NUFIP1: variants seen among roughly 807,000 people sequenced by gnomAD.
NUFIP1 encodes the protein FMR1-interacting protein NUFIP1.
In NUFIP1, 38 loss-of-function variants were observed where a neutral mutation model predicts 56.2. The observed-to-expected ratio is 0.68, with a 90% CI of 0.52 to 0.89. The LOEUF (loss-of-function observed/expected upper bound fraction) is 0.89. Among genes scored for constraint, NUFIP1 ranks in the 40% least tolerant of loss-of-function variants. The pLI is 0.00. For missense variants in NUFIP1, 567 were observed against 605.8 expected (o/e 0.94, Z 0.67); for synonymous variants, 215 against 212.4 (o/e 1.01, Z -0.10).
intron 5 of NUFIP1, 71 bp from the exon 6 acceptor site, chr13:44,966,007 G>T: frequency 1.3e-6 from 1 of 779,642 alleles, no homozygotes; most frequent in Non-Finnish European, 1.9e-6. Context: ...TCAAGCAATT[G>T]CTGAATTTAG....
intron 5 of NUFIP1, among the ~76,000 whole-genome samples, chr13:44,976,337 G>A (rs1466061297): frequency 6.6e-6 from 1 of 151,568 alleles, no homozygotes; most frequent in Non-Finnish European, 1.5e-5. Flanking sequence ...AAAGGAGGAA[G>A]GAGAAGAAGA....
intron 7 of NUFIP1, among the ~76,000 whole-genome samples, chr13:44,955,999 C>T (rs1457632041): frequency 2.0e-5 from 3 of 151,746 alleles, no homozygotes; most frequent in Non-Finnish European, 4.4e-5. Flanking sequence ...AAAAATTAGC[C>T]GGGCGAGGTG....
chr13:44,976,411 GAAGAA>G (rs1871981363), intron 5 of NUFIP1, among the ~76,000 whole-genome samples: 1 of 151,558 alleles, frequency 6.6e-6, no homozygotes, highest in African/African-American at 2.4e-5. Context: ...GAAGGAAGAG[GAAGAA>G]GAGAAGAGGA....
At chr13:44,968,805 A>C (rs1488949695) in intron 5 of NUFIP1, among the ~76,000 whole-genome samples, 1 of 152,218 alleles carries the variant, frequency 6.6e-6, no homozygotes, top group Non-Finnish European at 1.5e-5. Flanking sequence ...TACGTACCAG[A>C]GAGCAGATGC....
intron 7 of NUFIP1, among the ~76,000 whole-genome samples, chr13:44,952,551 G>C (rs1871117013): frequency 6.6e-6 from 1 of 152,200 alleles, no homozygotes; most frequent in South Asian, 2.1e-4. Context: ...AGGCTTTAAT[G>C]TCCTTTCCCT....
chr13:44,982,704 T>C (rs1164769771), intron 1 of NUFIP1, among the ~76,000 whole-genome samples: 1 of 151,556 alleles, frequency 6.6e-6, no homozygotes, highest in African/African-American at 2.4e-5. Context: ...TGTCACAACC[T>C]GGCTCAAAAA....
chr13:44,959,346 C>T lies in NUFIP1; in HGVS notation c.1021+35G>A, dbSNP rs376434989. On this transcript the variant is annotated intron_variant, in intron 7 of 9. Transcript: ENST00000379161. ...ATCAACTTCAGCATCATTGTCTATA[C>T]ACTTATAAATACGTTATTTTCCTGT... is the stretch of plus-strand genomic sequence containing the variant. The T allele has an allele frequency of 4.4e-6, 7 of 1,581,970 alleles. No homozygotes were observed. In the African/African-American group the frequency reaches 9.5e-5, roughly 21 times the overall value.
intron 5 of NUFIP1, among the ~76,000 whole-genome samples, chr13:44,967,970 T>A (rs376298351): frequency 4.4e-5 from 6 of 136,638 alleles, no homozygotes; most frequent in Admixed American, 1.5e-4. Context: ...TTTTTTTTTT[T>A]AACATTTGCA....
rs116260238 is a variant in NUFIP1, at chr13:44,942,773, G to A, written c.1371+669C>T. 1.8e-3 allele frequency among the ~76,000 whole-genome samples: 266 copies of A among 151,986 alleles called. 2 individuals are homozygous for A. Among genetic ancestry groups the A allele is most frequent in the African/African-American group, 5.9e-3 (246 of 41,434 alleles). The stretch of plus-strand genomic sequence containing the variant: ...CACATAATGCTGAGAATAAAGCCAC[G>A]AATGCACAGAATAAACACAAATAAA... On this transcript the variant is annotated intron_variant, in intron 9 of 9. Coordinates refer to ENST00000379161, the MANE Select transcript of NUFIP1 (RefSeq NM_012345.3).
At chr13:44,985,433 C>T (rs140708595) in intron 1 of NUFIP1, among the ~76,000 whole-genome samples, 4 of 152,300 alleles carry the variant, frequency 2.6e-5, no homozygotes, top group East Asian at 3.9e-4. Context: ...AAGCACATCT[C>T]ATTTCACTGC....
intron 5 of NUFIP1, among the ~76,000 whole-genome samples, chr13:44,971,107 A>G: frequency 6.6e-6 from 1 of 152,324 alleles, no homozygotes; most frequent in East Asian, 1.9e-4. Flanking sequence ...AAAAATATAT[A>G]TGAACTCTTC....
intron 5 of NUFIP1, among the ~76,000 whole-genome samples, chr13:44,978,045 A>T (rs941641063): frequency 6.6e-6 from 1 of 151,676 alleles, no homozygotes; most frequent in Non-Finnish European, 1.5e-5. Flanking sequence ...ACTCTGACTC[A>T]AAAAAAAATT....
intron 5 of NUFIP1, among the ~76,000 whole-genome samples, chr13:44,970,999 C>G (rs1199805474): frequency 6.6e-6 from 1 of 152,078 alleles, no homozygotes; most frequent in Non-Finnish European, 1.5e-5. Context: ...TAAAAAATTG[C>G]TAGTGGGGAT....
intron 7 of NUFIP1, among the ~76,000 whole-genome samples, chr13:44,953,013 G>A (rs1020112126): frequency 6.6e-6 from 1 of 152,170 alleles, no homozygotes; most frequent in African/African-American, 2.4e-5. Flanking sequence ...ATACCACAGA[G>A]ATGTGCCCTT....
At chr13:44,980,693 T>C (rs369692221) in intron 3 of NUFIP1, 29 bp downstream of exon 3, 126 of 1,383,558 alleles carry the variant, frequency 9.1e-5, no homozygotes, top group Admixed American at 7.9e-4. Flanking sequence ...AATTGCTACA[T>C]CAGTTTCAGG....
At chr13:44,975,554 C>G (rs1456838461) in intron 5 of NUFIP1, among the ~76,000 whole-genome samples, 2 of 152,208 alleles carry the variant, frequency 1.3e-5, no homozygotes, top group Non-Finnish European at 2.9e-5. Flanking sequence ...TCCATCCCCA[C>G]AACTGCCATC....
At chr13:44,965,795 G>T in intron 6 of NUFIP1, 49 bp downstream of exon 6, 1 of 1,066,882 alleles carries the variant, frequency 9.4e-7, no homozygotes, top group Non-Finnish European at 1.4e-6. Flanking sequence ...AGGGTTTTAA[G>T]ATTTTGTTTT....
At chr13:44,980,361 T>A (rs919634766) in intron 3 of NUFIP1, among the ~76,000 whole-genome samples, 1 of 152,214 alleles carries the variant, frequency 6.6e-6, no homozygotes, top group South Asian at 2.1e-4. Context: ...TTGAGGGTGA[T>A]AGGCACAGCC....
At chr13:44,966,872 C>T (rs914422409) in intron 5 of NUFIP1, among the ~76,000 whole-genome samples, 2 of 151,590 alleles carry the variant, frequency 1.3e-5, no homozygotes, top group African/African-American at 4.8e-5. Flanking sequence ...ACTCGGGAGG[C>T]TGAGGCAGGA....
Sources: allele counts gnomAD v4.1 joint callset (sites outside exome capture counted in the v4.1 genomes callset), GRCh38; gene constraint gnomAD v4.1.1; transcripts MANE v1.5; gene names NCBI Gene and HGNC (gene_info 2026-07-23, HGNC 2026-07-21).